Variants in PPP6R2 observed in about 807,000 individuals in gnomAD.
PPP6R2 encodes serine/threonine-protein phosphatase 6 regulatory subunit 2.
In PPP6R2, 62 loss-of-function variants were observed where a neutral mutation model predicts 100.2. That is an observed-to-expected ratio of 0.62 (90% confidence interval 0.50 to 0.76). The LOEUF is 0.76. PPP6R2 is among the 30% of genes least tolerant of loss of function. The pLI is 0.00. For missense variants in PPP6R2, 1,142 were observed against 1,276.3 expected, an observed-to-expected ratio of 0.89 and a Z score of 1.60; for synonymous variants, 525 against 514.7, an observed-to-expected ratio of 1.02 and a Z score of -0.27.
chr22:50,383,545 C>T (rs1011390010), intron 2 of PPP6R2, among the ~76,000 whole-genome samples: 2 of 152,102 alleles, frequency 1.3e-5, no homozygotes, highest in Non-Finnish European at 2.9e-5. Flanking sequence ...AGCCTTGGCC[C>T]CCAAGTATGT....
chr22:50,429,023 G>C (rs79257414), intron 10 of PPP6R2, among the ~76,000 whole-genome samples: 2 of 148,300 alleles, frequency 1.3e-5, no homozygotes, highest in African/African-American at 5.0e-5. Flanking sequence ...TATCAAGAAA[G>C]TATGTTGAAT....
At chr22:50,360,797 G>A (rs912918823) in intron 1 of PPP6R2, among the ~76,000 whole-genome samples, 5 of 152,204 alleles carry the variant, frequency 3.3e-5, no homozygotes, top group African/African-American at 9.7e-5. Flanking sequence ...TCTGCCCACT[G>A]TTGCTGCTCA....
At position 50,370,501 on chromosome 22, in the gene PPP6R2, CT is replaced by C. The variant is rs2049879538; in HGVS notation, c.-147-1518del. Among the ~76,000 whole-genome samples, 26 of 151,796 alleles carry C rather than the reference CT, an allele frequency of 1.7e-4. 1 individual carries two copies. Among genetic ancestry groups the C allele is most frequent in the Admixed American group, 1.2e-3 (19 of 15,248 alleles). ...ATGGGGTTTCACTATGTTGGCCAGA[CT>C]GGTCTCGAATGCCTGACCTCGTGAT... On this transcript the variant is annotated intron_variant, in intron 1 of 23. Transcript: ENST00000612753.
At chr22:50,436,803 G>A (rs1360012672) in intron 14 of PPP6R2, among the ~76,000 whole-genome samples, 185 bp from the exon 15 acceptor site, 1 of 152,210 alleles carries the variant, frequency 6.6e-6, no homozygotes. Context: ...GGGCTGTCAC[G>A]GGGCCTTGGC....
rs1210686739 is a variant in PPP6R2 at position 50,439,852 on chromosome 22, C to T, written c.2280C>T (p.Phe760=). The part of the protein sequence containing the change: ...GWAKFTDFQP[F]CCSESGPRCS... ...CCAAGTTCACTGACTTCCAACCTTT[C>T]TGCTGGTAACAAATGCGCTGGCAGG... is the stretch of plus-strand genomic sequence containing the variant. The change falls in exon 20 of 24, where the codon TTC becomes TTT. Residue 760 remains phenylalanine (F), a synonymous_variant. Transcript: ENST00000612753. The T allele has an allele frequency of 5.0e-6, 8 of 1,612,492 alleles. No homozygotes were observed. The highest frequency in any genetic ancestry group is 1.7e-5 in the Admixed American group (1 of 59,892).
At chr22:50,356,364 A>T (rs1157871385) in intron 1 of PPP6R2, among the ~76,000 whole-genome samples, 7 of 149,630 alleles carry the variant, frequency 4.7e-5, no homozygotes, top group South Asian at 4.3e-4. Context: ...ATGCAGTGGA[A>T]TGATCGTTGT....
intron 3 of PPP6R2, among the ~76,000 whole-genome samples, chr22:50,406,045 G>T (rs2058870205): frequency 6.9e-6 from 1 of 145,500 alleles, no homozygotes; most frequent in African/African-American, 2.6e-5. Flanking sequence ...TGGCAGGCGA[G>T]TGTGAAGGCC....
chr22:50,402,853 C>T (rs760648184), intron 3 of PPP6R2, among the ~76,000 whole-genome samples: 2 of 152,214 alleles, frequency 1.3e-5, no homozygotes, highest in Non-Finnish European at 2.9e-5. Context: ...GTCCCTCCAT[C>T]TAGAGAATCA....
chr22:50,441,544 G>A (rs1223234629), intron 22 of PPP6R2, among the ~76,000 whole-genome samples: 4 of 152,184 alleles, frequency 2.6e-5, no homozygotes, highest in Admixed American at 2.0e-4. Context: ...ATTCCGAGAC[G>A]CCTCAGAAGC....
intron 2 of PPP6R2, among the ~76,000 whole-genome samples, chr22:50,383,763 G>A (rs545563217): frequency 7.9e-5 from 12 of 152,292 alleles, no homozygotes; most frequent in Admixed American, 4.6e-4. Flanking sequence ...GAGGCCAGGC[G>A]CAGTGGCTCA....
chr22:50,444,988 T>A lies in PPP6R2; in HGVS notation c.*741T>A, dbSNP rs1260483662. On this transcript the variant is annotated 3_prime_UTR_variant, in exon 24 of 24. Transcript: ENST00000612753. ...TCACGGCCATGTCGTCCTAGAAGGG[T>A]CCAGAAGATTATTTTACGTTGAGTC... The A allele has an allele frequency of 1.3e-5, 2 of 152,364 alleles. No homozygotes were observed. The highest frequency in any genetic ancestry group is 2.4e-5 in the African/African-American group (1 of 41,342). 9.4% of individuals were successfully genotyped at this position (152,364 alleles called of 1,614,324 possible).
intron 1 of PPP6R2, among the ~76,000 whole-genome samples, chr22:50,355,336 C>G (rs867857871): frequency 6.7e-6 from 1 of 150,148 alleles, no homozygotes; most frequent in Non-Finnish European, 1.5e-5. Context: ...CTCCCAGGTT[C>G]ATGCCATTCT....
At chr22:50,334,523 C>T in the PPP6R2 span, among the ~76,000 whole-genome samples, 5 of 152,110 alleles carry the variant, frequency 3.3e-5, no homozygotes, top group African/African-American at 1.2e-4. Flanking sequence ...TATAGCTTCT[C>T]GTCGTATATG....
At chr22:50,365,863 G>A (rs2048672020) in intron 1 of PPP6R2, among the ~76,000 whole-genome samples, 1 of 151,940 alleles carries the variant, frequency 6.6e-6, no homozygotes, top group South Asian at 2.1e-4. Context: ...GAGTAGCTGG[G>A]ATTATAGACA....
chr22:50,354,192 C>G lies in PPP6R2; in HGVS notation c.-148+10642C>G, dbSNP rs140224524. On this transcript the variant is annotated intron_variant, in intron 1 of 23. Coordinates refer to ENST00000612753, the MANE Select transcript of PPP6R2 (RefSeq NM_001242898.2). Reference sequence around the variant, plus strand: ...TGGTGGCACGTGGCTGTAATTCCAGCTACTCAGGAGGCTGAGGCAGGAGAA... The same window carrying G: ...TGGTGGCACGTGGCTGTAATTCCAGGTACTCAGGAGGCTGAGGCAGGAGAA... Among the ~76,000 whole-genome samples the G allele has an allele frequency of 6.2e-3, 945 of 152,170 alleles. 8 individuals are homozygous for G. Among genetic ancestry groups the G allele is most frequent in the African/African-American group, 0.022 (897 of 41,516 alleles).
chr22:50,371,406 A>G (rs1400680403), intron 1 of PPP6R2, among the ~76,000 whole-genome samples: 1 of 152,130 alleles, frequency 6.6e-6, no homozygotes, highest in South Asian at 2.1e-4. Flanking sequence ...AATGGAGCAC[A>G]TCAGAAACTC....
rs371052671 is a variant in PPP6R2 at position 50,440,971 on chromosome 22, G to A, written c.2524G>A (p.Gly842Ser). ...CATGGATGCGGTGAGCAGGGGTCCC[G>A]GCCGGGAGGCCCCCCCGCTGCCCAC... ...SAMDAVSRGP[G>S]REAPPLPTVA... The change falls in exon 22 of 24, where the codon GGC becomes AGC. Residue 842 changes from glycine to serine, a missense_variant. Gly to Ser is a moderately conservative substitution (Grantham distance 56). Coordinates refer to ENST00000612753, the MANE Select transcript of PPP6R2 (RefSeq NM_001242898.2). 18 of 1,611,592 alleles carry A rather than the reference G, an allele frequency of 1.1e-5. 1 individual carries two copies. The highest frequency in any genetic ancestry group is 8.9e-5 in the East Asian group (4 of 44,822).
intron 1 of PPP6R2, among the ~76,000 whole-genome samples, chr22:50,359,604 T>A (rs2047384287): frequency 6.6e-6 from 1 of 152,202 alleles, no homozygotes; most frequent in South Asian, 2.1e-4. Flanking sequence ...TTGTGTTTTG[T>A]CCTTTATCCA....
intron 2 of PPP6R2, among the ~76,000 whole-genome samples, chr22:50,392,915 TAGATA>T (rs1221479754): frequency 6.6e-6 from 1 of 152,216 alleles, no homozygotes; most frequent in Non-Finnish European, 1.5e-5. Flanking sequence ...AGTAAAAAAT[TAGATA>T]AGATAAATTC....
Sources: allele counts gnomAD v4.1 joint callset (sites outside exome capture counted in the v4.1 genomes callset), GRCh38; gene constraint gnomAD v4.1.1; transcripts MANE v1.5; gene names NCBI Gene and HGNC (gene_info 2026-07-23, HGNC 2026-07-21).